Variants in RBFOX1 observed in about 807,000 individuals in gnomAD.
The protein encoded by RBFOX1 is RNA binding fox-1 homolog 1.
Under a neutral mutation model 57.7 loss-of-function variants are expected in RBFOX1, and 8 were observed. The ratio of observed to expected loss-of-function variants is 0.14; its 90% confidence interval spans 0.08 to 0.25. The LOEUF (loss-of-function observed/expected upper bound fraction) is 0.25. RBFOX1 is among the 10% of genes least tolerant of loss of function. The pLI is 1.00. For missense variants in RBFOX1, 611 were observed against 548.5 expected, an observed-to-expected ratio of 1.11 and a Z score of -1.14; for synonymous variants, 326 against 222.4, an observed-to-expected ratio of 1.47 and a Z score of -4.15.
intron 4 of RBFOX1, among the ~76,000 whole-genome samples, chr16:7,087,541 G>C (rs2060176682): frequency 6.6e-6 from 1 of 150,716 alleles, no homozygotes; most frequent in South Asian, 2.1e-4. Context: ...GCAAGAGTTA[G>C]GAAGGGAAAA....
chr16:5,636,393 AG>A (rs1408980158), intron 3 of RBFOX1, among the ~76,000 whole-genome samples: 1 of 152,216 alleles, frequency 6.6e-6, no homozygotes, highest in African/African-American at 2.4e-5. Flanking sequence ...TTTAATAACC[AG>A]TAAGTTGTGG....
chr16:6,104,961 T>C (rs2096360937), intron 1 of RBFOX1, among the ~76,000 whole-genome samples: 1 of 152,240 alleles, frequency 6.6e-6, no homozygotes, highest in Non-Finnish European at 1.5e-5. Context: ...GAGCCTGAAC[T>C]ACTCACATGC....
intron 1 of RBFOX1, among the ~76,000 whole-genome samples, chr16:6,161,026 C>G (rs116307306): frequency 3.3e-5 from 5 of 152,198 alleles, no homozygotes; most frequent in Non-Finnish European, 7.3e-5. Context: ...AGTGGTGTTT[C>G]CCAGCTTTAT....
intron 3 of RBFOX1, among the ~76,000 whole-genome samples, chr16:5,770,330 C>T (rs558206541): frequency 4.5e-4 from 69 of 152,296 alleles, no homozygotes; most frequent in African/African-American, 1.4e-3. Flanking sequence ...TCTTTGTATG[C>T]ATTAATGCAT....
intron 2 of RBFOX1, among the ~76,000 whole-genome samples, chr16:5,532,683 C>T (rs968103608): frequency 4.6e-5 from 7 of 152,190 alleles, no homozygotes; most frequent in Non-Finnish European, 1.0e-4. Flanking sequence ...ATGCTGTGCT[C>T]TGAGCTTGCT....
intron 3 of RBFOX1, among the ~76,000 whole-genome samples, chr16:6,707,611 A>T (rs2062991914): frequency 6.6e-6 from 1 of 152,002 alleles, no homozygotes; most frequent in Non-Finnish European, 1.5e-5. Context: ...ACTGAATTGA[A>T]GATGCTGGAT....
At chr16:6,595,656 C>G (rs2097770026) in intron 2 of RBFOX1, among the ~76,000 whole-genome samples, 1 of 152,104 alleles carries the variant, frequency 6.6e-6, no homozygotes, top group Non-Finnish European at 1.5e-5. Context: ...CGTGGGTACC[C>G]CATTTTACAT....
chr16:5,540,757 T>C (rs2044902404), intron 2 of RBFOX1, among the ~76,000 whole-genome samples: 1 of 152,218 alleles, frequency 6.6e-6, no homozygotes. Context: ...GTCTGTGGAC[T>C]AGCAGCGTCA....
intron 2 of RBFOX1, among the ~76,000 whole-genome samples, chr16:6,484,615 C>G (rs1012195929): frequency 1.3e-5 from 2 of 152,144 alleles, no homozygotes; most frequent in African/African-American, 2.4e-5. Context: ...CACCTAGCCT[C>G]TCAAGCACAG....
intron 3 of RBFOX1, among the ~76,000 whole-genome samples, chr16:5,806,637 C>T (rs146270981): frequency 2.6e-5 from 4 of 152,292 alleles, no homozygotes; most frequent in Middle Eastern, 3.4e-3. Context: ...AAATCAAGCC[C>T]AAGACAGTGA....
intron 4 of RBFOX1, among the ~76,000 whole-genome samples, chr16:5,937,791 A>T (rs1402968125): frequency 6.7e-6 from 1 of 149,528 alleles, no homozygotes; most frequent in Non-Finnish European, 1.5e-5. Flanking sequence ...TATATAAAAT[A>T]TATACCTATA....
intron 2 of RBFOX1, among the ~76,000 whole-genome samples, chr16:6,552,918 G>T (rs376207041): frequency 6.6e-6 from 1 of 151,980 alleles, no homozygotes. Flanking sequence ...AGATTACATA[G>T]ATTTCTGGTA....
At chr16:6,136,151 G>A (rs2096665644) in intron 1 of RBFOX1, among the ~76,000 whole-genome samples, 2 of 152,002 alleles carry the variant, frequency 1.3e-5, no homozygotes, top group Admixed American at 6.6e-5. Flanking sequence ...TGCTAAGCTC[G>A]CGATGATAAC....
At chr16:6,171,967 G>A (rs1467084455) in intron 1 of RBFOX1, among the ~76,000 whole-genome samples, 1 of 151,966 alleles carries the variant, frequency 6.6e-6, no homozygotes, top group African/African-American at 2.4e-5. Flanking sequence ...GATTACAGGT[G>A]CATGCCTCCA....
At chr16:7,490,608 G>T (rs996173549) in intron 4 of RBFOX1, among the ~76,000 whole-genome samples, 1 of 152,166 alleles carries the variant, frequency 6.6e-6, no homozygotes, top group African/African-American at 2.4e-5. Context: ...ATTAACTTGG[G>T]TTAGCAAATT....
At chr16:6,496,785 C>T (rs907124643) in intron 2 of RBFOX1, among the ~76,000 whole-genome samples, 7 of 151,986 alleles carry the variant, frequency 4.6e-5, no homozygotes, top group African/African-American at 7.3e-5. Context: ...CATGGTGAAA[C>T]GTCATCTCTA....
At chr16:7,365,019 T>C (rs2097412821) in intron 4 of RBFOX1, among the ~76,000 whole-genome samples, 1 of 152,196 alleles carries the variant, frequency 6.6e-6, no homozygotes, top group South Asian at 2.1e-4. Flanking sequence ...TGTCTGTCTA[T>C]CCATCCGTCC....
intron 2 of RBFOX1, among the ~76,000 whole-genome samples, chr16:5,498,759 A>G (rs1469656866): frequency 6.6e-6 from 1 of 152,234 alleles, no homozygotes; most frequent in South Asian, 2.1e-4. Context: ...TACACTGTAC[A>G]TTATCTGGCA....
At chr16:6,406,558 C>A (rs1539296) in intron 2 of RBFOX1, among the ~76,000 whole-genome samples, 98,962 of 151,660 alleles carry the variant, frequency 0.65, 33,015 homozygotes, top group African/African-American at 0.81. Context: ...TGTTTGTAGA[C>A]CTATTTTTGG....
Sources: gnomAD v4.1 joint callset for allele counts (sites outside exome capture counted in the v4.1 genomes callset) on GRCh38, gnomAD v4.1.1 for gene constraint, MANE v1.5 for transcripts, NCBI Gene and HGNC (gene_info 2026-07-23, HGNC 2026-07-21) for gene names.